The following SH3YL1 variants were observed in gnomAD, a reference collection of about 807,000 sequenced individuals.
SH3YL1 encodes the protein SH3 and SYLF domain containing 1, also known as SH3 domain-containing YSC84-like protein 1.
A neutral mutation model predicts 45.8 loss-of-function variants in SH3YL1; 41 were observed. That is an observed-to-expected ratio of 0.89 (90% CI 0.70 to 1.16). SH3YL1 has a LOEUF of 1.16. Ranked by LOEUF, SH3YL1 falls within the 50% of genes most tolerant of loss-of-function variation. The pLI is 0.00. For synonymous variants in SH3YL1, 152 were observed against 151.4 expected (o/e 1.00, Z -0.03); for missense variants, 389 against 409.6 (o/e 0.95, Z 0.43).
At chr2:234,964 G>A (rs985983559) in intron 4 of SH3YL1, among the ~76,000 whole-genome samples, 5 of 152,146 alleles carry the variant, frequency 3.3e-5, no homozygotes, top group South Asian at 2.1e-4. Context: ...TGCAACCTCC[G>A]CCTCCCGGGT....
intron 6 of SH3YL1, among the ~76,000 whole-genome samples, chr2:232,402 C>T (rs768355297): frequency 2.5e-4 from 38 of 151,594 alleles, no homozygotes; most frequent in African/African-American, 8.7e-4. Context: ...TCACTGAAAT[C>T]GGTGCATCCA....
intron 4 of SH3YL1, chr2:243,546 T>A: frequency 6.5e-7 from 1 of 1,536,750 alleles, no homozygotes; most frequent in African/African-American, 1.4e-5. Context: ...AGAGGGAATA[T>A]GTAGCTGTAA....
chr2:258,359 A>C (rs574389786), intron 1 of SH3YL1, among the ~76,000 whole-genome samples: 1 of 152,016 alleles, frequency 6.6e-6, no homozygotes, highest in African/African-American at 2.4e-5. Flanking sequence ...TGTTGTAGAG[A>C]TCTTTCACCT....
chr2:249,723 C>T lies in SH3YL1; in HGVS notation c.226+8G>A. 1 of 1,544,480 alleles carries T rather than the reference C, an allele frequency of 6.5e-7. No homozygotes were observed. Among genetic ancestry groups the T allele is most frequent in the Non-Finnish European group, 8.8e-7 (1 of 1,140,460 alleles). On this transcript the variant is annotated splice_region_variant and intron_variant, in intron 3 of 9. Coordinates refer to ENST00000356150, the MANE Select transcript of SH3YL1 (RefSeq NM_015677.4). ...ACTCTCTACTCCAGTGAACAGACGC[C>T]AACTTACTTCCATCTGGAAGGCGCG... is the stretch of plus-strand genomic sequence containing the variant.
intron 1 of SH3YL1, among the ~76,000 whole-genome samples, chr2:261,575 C>T (rs1407970129): frequency 6.6e-6 from 1 of 151,912 alleles, no homozygotes; most frequent in Non-Finnish European, 1.5e-5. Flanking sequence ...CTTTGGAAAC[C>T]TCAAAAGCAT....
intron 1 of SH3YL1, among the ~76,000 whole-genome samples, chr2:254,704 T>C (rs570360362): frequency 7.9e-4 from 121 of 152,298 alleles, no homozygotes; most frequent in Middle Eastern, 3.4e-3. Flanking sequence ...AAAAGATAGC[T>C]ACAAAGGTAA....
intron 1 of SH3YL1, chr2:256,293 C>T (rs1325355257): frequency 6.6e-6 from 1 of 152,218 alleles, no homozygotes; most frequent in East Asian, 1.9e-4. Flanking sequence ...GGACATAGCA[C>T]AATTTGTCCT....
chr2:224,956 T>C lies in SH3YL1; in HGVS notation c.782-36A>G, dbSNP rs752576511. The C allele has an allele frequency of 4.5e-5, 69 of 1,532,758 alleles. 1 individual carries two copies. The East Asian group carries it at 1.6e-3, about 34-fold the overall frequency. The allele number at this position is 1,532,758 out of a possible 1,614,324, so 94.9% of individuals were successfully genotyped here. A position where few individuals can be genotyped will look rare whatever the true frequency, so the allele number is the denominator to read the frequency against. Reference sequence around the variant, plus strand: ...AGAGGAGAGTGGTGATTTTGAAAACTGATTAGTATATATCATACAAAATAC... The same window carrying C: ...AGAGGAGAGTGGTGATTTTGAAAACCGATTAGTATATATCATACAAAATAC... On this transcript the variant is annotated intron_variant, in intron 8 of 9. Coordinates refer to ENST00000356150, the MANE Select transcript of SH3YL1 (RefSeq NM_015677.4).
Position 253,120 on chromosome 2 carries a change from A to G in SH3YL1, c.2-5T>C. 2 of 1,410,480 alleles carry G rather than the reference A, an allele frequency of 1.4e-6. No individual in the cohort carries two copies. Among genetic ancestry groups the G allele is most frequent in the Non-Finnish European group, 1.9e-6 (2 of 1,033,094 alleles). 87.4% of individuals were successfully genotyped at this position (1,410,480 alleles called of 1,614,324 possible). On this transcript the variant is annotated splice_polypyrimidine_tract_variant and splice_region_variant and intron_variant, in intron 1 of 9. Coordinates refer to ENST00000356150, the MANE Select transcript of SH3YL1 (RefSeq NM_015677.4). ...TGGAAGGTATAGGGTTATTCACTGA[A>G]ACATAACAAAAGATATTTTAATGAA... is the stretch of plus-strand genomic sequence containing the variant.
At chr2:225,404 G>A (rs1667751322) in intron 8 of SH3YL1, among the ~76,000 whole-genome samples, 1 of 152,250 alleles carries the variant, frequency 6.6e-6, no homozygotes, top group Admixed American at 6.5e-5. Flanking sequence ...GATTCTAACA[G>A]TACAGAAGAC....
chr2:236,836 G>C (rs1361365526), intron 4 of SH3YL1, among the ~76,000 whole-genome samples: 1 of 152,128 alleles, frequency 6.6e-6, no homozygotes, highest in Non-Finnish European at 1.5e-5. Context: ...GAGAGTTCCT[G>C]ATGCAAGTAT....
At chr2:227,422 T>C (rs552369403) in intron 8 of SH3YL1, among the ~76,000 whole-genome samples, 30 of 152,238 alleles carry the variant, frequency 2.0e-4, no homozygotes. Flanking sequence ...AAAGTTAATA[T>C]ACATCAATAG....
chr2:246,686 T>G (rs1572169201), intron 4 of SH3YL1, among the ~76,000 whole-genome samples: 2 of 152,268 alleles, frequency 1.3e-5, no homozygotes, highest in East Asian at 3.9e-4. Flanking sequence ...GAGGGCGATA[T>G]TTTTGAAAGC....
At chr2:261,548 C>T (rs1443743727) in intron 1 of SH3YL1, among the ~76,000 whole-genome samples, 1 of 151,774 alleles carries the variant, frequency 6.6e-6, no homozygotes, top group East Asian at 1.9e-4. Context: ...TATAAAATAC[C>T]GGAAAGACAA....
intron 9 of SH3YL1, among the ~76,000 whole-genome samples, chr2:224,036 C>T (rs938413756): frequency 5.9e-5 from 9 of 152,226 alleles, no homozygotes; most frequent in African/African-American, 2.2e-4. Flanking sequence ...TGCTTGAGTA[C>T]CTAATTTTTG....
chr2:263,575 C>G (rs1325105618), intron 1 of SH3YL1: 1 of 180,204 alleles, frequency 5.5e-6, no homozygotes, highest in Non-Finnish European at 1.2e-5. Flanking sequence ...TCGCCGGCGC[C>G]CTAGCCAAGG....
At chr2:247,664 G>A in intron 3 of SH3YL1, 62 bp from the exon 4 acceptor site, 7 of 1,326,502 alleles carry the variant, frequency 5.3e-6, no homozygotes, top group Non-Finnish European at 6.2e-6. Context: ...GTAAATATAG[G>A]AAGGAAAAAT....
Position 233,233 on chromosome 2 carries a change from C to A in SH3YL1, c.405-4G>T, listed in dbSNP as rs1351463872. ...GGCCACGTTTCCTTCCAAGTTCCTG[C>A]AAAGCACAAGATTTTGCATCACAAA... On this transcript the variant is annotated splice_region_variant and splice_polypyrimidine_tract_variant and intron_variant, in intron 5 of 9. Transcript: ENST00000356150. 2.6e-6 allele frequency: 4 copies of A among 1,562,298 alleles called. No homozygotes were observed. Among genetic ancestry groups the A allele is most frequent in the Non-Finnish European group, 3.5e-6 (4 of 1,153,940 alleles).
intron 4 of SH3YL1, 24 bp from the exon 5 acceptor site, chr2:234,296 T>C: frequency 6.4e-7 from 1 of 1,550,700 alleles, no homozygotes; most frequent in African/African-American, 1.4e-5. Flanking sequence ...ACCCATGGAT[T>C]TAAAAATCGT....
Sources: allele counts gnomAD v4.1 joint callset (sites outside exome capture counted in the v4.1 genomes callset), GRCh38; gene constraint gnomAD v4.1.1; transcripts MANE v1.5; gene names NCBI Gene and HGNC (gene_info 2026-07-23, HGNC 2026-07-21).